Variants in STK36 observed in about 807,000 individuals in gnomAD.
The protein encoded by STK36 is serine/threonine kinase 36.
Under a neutral mutation model 142.2 loss-of-function variants are expected in STK36, and 116 were observed. The observed-to-expected ratio is 0.82, with a 90% CI of 0.70 to 0.95. STK36 has a LOEUF of 0.95. Among genes scored for constraint, STK36 ranks in the 40% least tolerant of loss-of-function variants. STK36 has a pLI of 0.00. For missense variants in STK36, 1,422 were observed against 1,617.2 expected (o/e 0.88, Z 2.07); for synonymous variants, 619 against 641.7 (o/e 0.96, Z 0.53).
chr2:218,695,895 C>T (rs1400132155), intron 21 of STK36, among the ~76,000 whole-genome samples: 1 of 124,974 alleles, frequency 8.0e-6, no homozygotes, highest in Non-Finnish European at 1.6e-5. Context: ...GATGCAGTCT[C>T]ACTCTGTCAC....
intron 4 of STK36, 119 bp from the exon 5 acceptor site, chr2:218,675,224 C>A: frequency 1.8e-6 from 2 of 1,084,820 alleles, no homozygotes; most frequent in Non-Finnish European, 2.6e-6. Context: ...TAGTGTGAAG[C>A]TCTGCAAGAA....
At chr2:218,685,373 C>T in intron 11 of STK36, 145 bp downstream of exon 11, 3 of 1,070,838 alleles carry the variant, frequency 2.8e-6, no homozygotes, top group Non-Finnish European at 3.9e-6. Flanking sequence ...GTTTACCAAC[C>T]TCCTTTAGTA....
intron 7 of STK36, 25 bp downstream of exon 7, chr2:218,679,286 T>C (rs1035034435): frequency 6.2e-7 from 1 of 1,605,486 alleles, no homozygotes; most frequent in African/African-American, 1.3e-5. Context: ...TTCCCAGGGC[T>C]CTTGGACTTC....
intron 14 of STK36, among the ~76,000 whole-genome samples, chr2:218,691,116 T>G (rs1940982966): frequency 6.6e-6 from 1 of 152,100 alleles, no homozygotes; most frequent in African/African-American, 2.4e-5. Flanking sequence ...TCCTGAGGAT[T>G]AGTAGACTAT....
chr2:218,678,484 T>TC (rs1379479455), intron 6 of STK36, among the ~76,000 whole-genome samples: 2 of 152,206 alleles, frequency 1.3e-5, no homozygotes, highest in Admixed American at 6.5e-5. Flanking sequence ...GGGCAGATAC[T>TC]CAGGTATCTC....
chr2:218,695,115 T>C (rs1363488384), intron 21 of STK36, among the ~76,000 whole-genome samples: 1 of 152,174 alleles, frequency 6.6e-6, no homozygotes, highest in Non-Finnish European at 1.5e-5. Flanking sequence ...TTCTGCTTTC[T>C]CCTTTCCCAG....
intron 26 of STK36, among the ~76,000 whole-genome samples, chr2:218,700,554 A>AC (rs1472020991): frequency 2.0e-5 from 3 of 150,908 alleles, no homozygotes; most frequent in African/African-American, 7.3e-5. Flanking sequence ...GGCACACACC[A>AC]CCTTACCTGG....
At chr2:218,695,597 G>A (rs1385804490) in intron 21 of STK36, among the ~76,000 whole-genome samples, 3 of 138,558 alleles carry the variant, frequency 2.2e-5, no homozygotes, top group South Asian at 2.3e-4. Context: ...GTAGTGGCAC[G>A]ATCTTGGCTC....
Position 218,698,094 on chromosome 2 carries a change from C to G in STK36, c.3057+93C>G, listed in dbSNP as rs1461207478. The G allele has an allele frequency of 3.9e-6, 6 of 1,532,130 alleles. No homozygotes were observed. In the African/African-American group the frequency reaches 6.8e-5, roughly 17 times the overall value. The allele number at this position is 1,532,130 out of a possible 1,614,324, so 94.9% of individuals were successfully genotyped here. On this transcript the variant is annotated intron_variant, in intron 25 of 26. Transcript: ENST00000295709. ...CCAGCAGCTCCAGGGCTCTTCTAGG[C>G]CCCTGTAAGCATGGAACAGCTGGCT...
intron 13 of STK36, 63 bp from the exon 14 acceptor site, chr2:218,690,387 A>G: frequency 1.4e-6 from 2 of 1,386,816 alleles, no homozygotes; most frequent in South Asian, 1.2e-5. Flanking sequence ...GGACTGACCC[A>G]TTCACCACAT....
intron 26 of STK36, 128 bp from the exon 27 acceptor site, chr2:218,701,738 C>G (rs1575147311): frequency 1.8e-6 from 2 of 1,117,330 alleles, no homozygotes; most frequent in East Asian, 4.9e-5. Context: ...TCCCCAAGAG[C>G]CCATTTCCTT....
intron 10 of STK36, among the ~76,000 whole-genome samples, chr2:218,682,978 T>G (rs1202921878): frequency 1.3e-5 from 2 of 152,222 alleles, no homozygotes; most frequent in African/African-American, 4.8e-5. Flanking sequence ...ACTGATAGTT[T>G]TGAGGTACAC....
chr2:218,675,366 G>A lies in STK36; in HGVS notation c.327G>A (p.Leu109=). 6.2e-7 allele frequency: 1 copy of A among 1,612,068 alleles called. No individual in the cohort carries two copies. The highest frequency in any genetic ancestry group is 8.5e-7 in the Non-Finnish European group (1 of 1,179,206). ...AGGTTCAGGCCATTGCTGCCCAGTT[G>A]GTGTCAGCCCTGTACTATCTGCATT... The part of the protein sequence containing the change: ...EDQVQAIAAQ[L]VSALYYLHSH... Residue 109 remains leucine, a synonymous_variant, in exon 5 of 27, where the codon TTG becomes TTA. Transcript: ENST00000295709.
chr2:218,676,397 T>C, intron 6 of STK36, 119 bp downstream of exon 6: 1 of 1,311,590 alleles, frequency 7.6e-7, no homozygotes, highest in Admixed American at 2.3e-5. Context: ...ACTGAATTAA[T>C]GGCTGTGTTA....
chr2:218,687,599 G>A (rs1940829597), intron 11 of STK36, among the ~76,000 whole-genome samples: 2 of 152,178 alleles, frequency 1.3e-5, no homozygotes, highest in Non-Finnish European at 2.9e-5. Flanking sequence ...TGCAGTGTGG[G>A]GAGGCAGACT....
At chr2:218,699,911 C>T (rs963049722) in intron 26 of STK36, among the ~76,000 whole-genome samples, 6 of 151,696 alleles carry the variant, frequency 4.0e-5, no homozygotes, top group African/African-American at 1.2e-4. Context: ...TCCTCTTCTG[C>T]GCAACTTTCT....
intron 6 of STK36, among the ~76,000 whole-genome samples, chr2:218,678,367 A>G (rs542785116): frequency 5.3e-5 from 8 of 152,202 alleles, no homozygotes; most frequent in Admixed American, 3.3e-4. Flanking sequence ...AAGGGACAAC[A>G]AATTCCTCCC....
intron 10 of STK36, among the ~76,000 whole-genome samples, chr2:218,681,464 C>CT (rs544860062): frequency 6.6e-6 from 1 of 152,038 alleles, no homozygotes; most frequent in Non-Finnish European, 1.5e-5. Flanking sequence ...TGAGTTTTGC[C>CT]TTTTTTTTAA....
rs147603443 is a variant in STK36 at position 218,679,038 on chromosome 2, A to G, written c.685-130A>G. 7.4e-4 allele frequency: 611 copies of G among 821,576 alleles called. 3 individuals carry two copies. The African/African-American group carries it at 9.1e-3, about 12-fold the overall frequency. 50.9% of individuals were successfully genotyped at this position (821,576 alleles called of 1,614,324 possible). On this transcript the variant is annotated intron_variant, in intron 6 of 26. Transcript: ENST00000295709. ...AATGGGACCTGAACAAAGTTTTTAG[A>G]GGGCATGATCAAGAGCAGCTCATCT...
Sources: allele counts gnomAD v4.1 joint callset (sites outside exome capture counted in the v4.1 genomes callset), GRCh38; gene constraint gnomAD v4.1.1; transcripts MANE v1.5; gene names NCBI Gene and HGNC (gene_info 2026-07-23, HGNC 2026-07-21).